TEC: variants seen among roughly 807,000 people sequenced by gnomAD.
TEC encodes the protein tec protein tyrosine kinase.
Under a neutral mutation model 93.0 loss-of-function variants are expected in TEC, and 72 were observed. That is an observed-to-expected ratio of 0.77 (90% CI 0.64 to 0.94). TEC has a LOEUF of 0.94. Ranked by LOEUF, TEC falls within the 40% of genes least tolerant of loss-of-function variation. The pLI, the probability that TEC is intolerant of heterozygous loss-of-function variation, is 0.00. For missense variants in TEC, 630 were observed against 757.9 expected (o/e 0.83, Z 1.98); for synonymous variants, 249 against 247.7 (o/e 1.01, Z -0.05).
intron 1 of TEC, among the ~76,000 whole-genome samples, chr4:48,254,181 A>G (rs937946709): frequency 6.6e-6 from 1 of 152,226 alleles, no homozygotes; most frequent in Non-Finnish European, 1.5e-5. Context: ...GTATCTATGA[A>G]TGCAGAGATA....
chr4:48,161,736 A>AAC (rs1229225804), intron 8 of TEC, among the ~76,000 whole-genome samples: 2 of 152,044 alleles, frequency 1.3e-5, no homozygotes, highest in African/African-American at 4.8e-5. Flanking sequence ...AAAGGAGATT[A>AAC]ACATTTGGGT....
intron 2 of TEC, among the ~76,000 whole-genome samples, chr4:48,200,493 G>C (rs1722465864): frequency 6.6e-6 from 1 of 152,218 alleles, no homozygotes; most frequent in Non-Finnish European, 1.5e-5. Flanking sequence ...AGAGGAGCAA[G>C]AGTGGAAAGA....
chr4:48,251,768 T>C (rs1035770616), intron 1 of TEC, among the ~76,000 whole-genome samples: 1 of 152,216 alleles, frequency 6.6e-6, no homozygotes, highest in Non-Finnish European at 1.5e-5. Flanking sequence ...GATGATATTG[T>C]AAATGACAAG....
chr4:48,198,777 AT>A (rs1722391130), intron 2 of TEC, among the ~76,000 whole-genome samples: 1 of 152,198 alleles, frequency 6.6e-6, no homozygotes, highest in Admixed American at 6.5e-5. Flanking sequence ...CCTTCACACA[AT>A]AGAAGTATAT....
rs115458427 is a variant in TEC at position 48,205,172 on chromosome 4, A to C, written c.138+23305T>G. Among the ~76,000 whole-genome samples, 1,073 of 152,334 alleles carry C rather than the reference A, an allele frequency of 7.0e-3. 18 individuals are homozygous for C. Among genetic ancestry groups the C allele is most frequent in the African/African-American group, 0.025 (1,033 of 41,570 alleles). On this transcript the variant is annotated intron_variant, in intron 2 of 17. Transcript: ENST00000381501. ...TTAAATAAGTTGTAGACACTCAATAAATGTTATATCCCTTTCTCTTTAGAC... is the reference window on the plus strand; with the variant it reads ...TTAAATAAGTTGTAGACACTCAATACATGTTATATCCCTTTCTCTTTAGAC...
chr4:48,168,512 CAA>C, intron 6 of TEC, 72 bp downstream of exon 6: 1 of 1,516,592 alleles, frequency 6.6e-7, no homozygotes, highest in Non-Finnish European at 9.1e-7. Context: ...CAGTAAGTCA[CAA>C]ACACTACCAA....
chr4:48,234,243 G>A (rs144645646), intron 1 of TEC, among the ~76,000 whole-genome samples: 205 of 152,260 alleles, frequency 1.3e-3, no homozygotes, highest in Non-Finnish European at 1.6e-3. Flanking sequence ...TCAAATATGC[G>A]CAAGGCTTTA....
chr4:48,176,657 G>A (rs1419850485), intron 2 of TEC, among the ~76,000 whole-genome samples: 1 of 152,202 alleles, frequency 6.6e-6, no homozygotes, highest in African/African-American at 2.4e-5. Flanking sequence ...AGGAGGCAGA[G>A]GTTGTAGTGA....
At chr4:48,233,734 G>A (rs1723705546) in intron 1 of TEC, among the ~76,000 whole-genome samples, 1 of 151,066 alleles carries the variant, frequency 6.6e-6, no homozygotes, top group South Asian at 2.1e-4. Flanking sequence ...CAAAAAAACA[G>A]GAGCTACTAG....
At chr4:48,206,042 G>T (rs1284109846) in intron 2 of TEC, among the ~76,000 whole-genome samples, 3 of 152,174 alleles carry the variant, frequency 2.0e-5, no homozygotes, top group Non-Finnish European at 4.4e-5. Context: ...AATGAACCTT[G>T]AAAACGTTAT....
chr4:48,141,481 G>A (rs1161201701), intron 14 of TEC, 62 bp from the exon 15 acceptor site: 2 of 1,486,184 alleles, frequency 1.3e-6, no homozygotes, highest in Non-Finnish European at 1.9e-6. Context: ...GTAGGAAAAT[G>A]TAAGTTCTAT....
At chr4:48,157,113 TAA>T (rs1720434448) in intron 8 of TEC, among the ~76,000 whole-genome samples, 1 of 152,238 alleles carries the variant, frequency 6.6e-6, no homozygotes, top group Non-Finnish European at 1.5e-5. Flanking sequence ...CTGTTCAACA[TAA>T]AAATCATTTT....
intron 2 of TEC, among the ~76,000 whole-genome samples, chr4:48,179,376 A>ATATATATATT (rs1560393438): frequency 1.4e-4 from 3 of 21,158 alleles, no homozygotes; most frequent in Non-Finnish European, 1.7e-4. Context: ...ATATATATAT[A>ATATATATATT]TTTTTTTTTT....
At chr4:48,229,404 A>G (rs1577658341) in intron 1 of TEC, among the ~76,000 whole-genome samples, 1 of 152,228 alleles carries the variant, frequency 6.6e-6, no homozygotes, top group Non-Finnish European at 1.5e-5. Context: ...CTGAAAACCC[A>G]AAGACATTCA....
At position 48,149,502 on chromosome 4, in the gene TEC, C is replaced by G. The variant is rs1720067216; in HGVS notation, c.1006+55G>C. 2.7e-6 allele frequency: 4 copies of G among 1,477,706 alleles called. No homozygotes were observed. In the South Asian group the frequency reaches 5.7e-5, roughly 21 times the overall value. The allele number at this position is 1,477,706 out of a possible 1,614,324, so 91.5% of individuals were successfully genotyped here. On this transcript the variant is annotated intron_variant, in intron 11 of 17. Transcript: ENST00000381501. The stretch of plus-strand genomic sequence containing the variant: ...CTGCTCAAGGAATTAATCACAGTAT[C>G]TGATCATTTTAATCACTACCTTATA...
At chr4:48,175,708 C>T (rs1721296347) in intron 3 of TEC, among the ~76,000 whole-genome samples, 2 of 152,100 alleles carry the variant, frequency 1.3e-5, no homozygotes, top group South Asian at 4.1e-4. Flanking sequence ...CTCCCTTATG[C>T]AACAGAACCA....
At position 48,200,863 on chromosome 4, in the gene TEC, G is replaced by A. The variant is rs546102120; in HGVS notation, c.139-24677C>T. ...GCTAGGACTATGGAGAGGAAAGACA[G>A]GATCCAGGATCCCTGGATTGTATCC... On this transcript the variant is annotated intron_variant, in intron 2 of 17. Coordinates refer to ENST00000381501, the MANE Select transcript of TEC (RefSeq NM_003215.3). Among the ~76,000 whole-genome samples, 3 of 152,366 alleles carry A rather than the reference G, an allele frequency of 2.0e-5. No individual in the cohort carries two copies. The South Asian group carries it at 6.2e-4, about 32-fold the overall frequency.
At chr4:48,168,880 T>A (rs1577717473) in intron 5 of TEC, among the ~76,000 whole-genome samples, 1 of 152,194 alleles carries the variant, frequency 6.6e-6, no homozygotes, top group East Asian at 1.9e-4. Flanking sequence ...CAGTTCTTTG[T>A]ATTCCTACCA....
rs1273315411 is a variant in TEC, at chr4:48,179,356, A to T, written c.139-3170T>A. Among the ~76,000 whole-genome samples the T allele has an allele frequency of 2.3e-4, 8 of 34,500 alleles. 1 individual carries two copies. The highest frequency in any genetic ancestry group is 3.6e-4 in the Non-Finnish European group (6 of 16,692). 22.6% of individuals were successfully genotyped at this position (34,500 alleles called of 152,430 possible). A position where few individuals can be genotyped will look rare whatever the true frequency, so the allele number is the denominator to read the frequency against. On this transcript the variant is annotated intron_variant, in intron 2 of 17. Coordinates refer to ENST00000381501, the MANE Select transcript of TEC (RefSeq NM_003215.3). ...GTGGGTAGTATATATATATATATAT[A>T]TATATATATATATATATATATTTTT...
Sources: allele counts gnomAD v4.1 joint callset (sites outside exome capture counted in the v4.1 genomes callset), GRCh38; gene constraint gnomAD v4.1.1; transcripts MANE v1.5; gene names NCBI Gene and HGNC (gene_info 2026-07-23, HGNC 2026-07-21).